The following KCNIP4 variants were observed in gnomAD, a reference collection of about 807,000 sequenced individuals.
The protein encoded by KCNIP4 is Kv channel-interacting protein 4.
Under a neutral mutation model 34.0 loss-of-function variants are expected in KCNIP4, and 12 were observed. The ratio of observed to expected loss-of-function variants is 0.35; its 90% CI spans 0.23 to 0.57. The LOEUF is 0.57. KCNIP4 is among the 20% of genes least tolerant of loss of function. The pLI is 0.83. For synonymous variants in KCNIP4, 124 were observed against 102.2 expected (o/e 1.21, Z -1.29); for missense variants, 238 against 311.7 (o/e 0.76, Z 1.78).
chr4:21,087,179 T>TGC (rs1746535396), intron 1 of KCNIP4, among the ~76,000 whole-genome samples: 1 of 149,524 alleles, frequency 6.7e-6, no homozygotes, highest in Non-Finnish European at 1.5e-5. Flanking sequence ...TGTGTGTGTG[T>TGC]GTGTGTGTGT....
At chr4:21,142,500 C>T (rs568960193) in intron 1 of KCNIP4, among the ~76,000 whole-genome samples, 1 of 152,248 alleles carries the variant, frequency 6.6e-6, no homozygotes, top group Admixed American at 6.5e-5. Context: ...TTTGGGGGCT[C>T]TGTAGTGAAG....
chr4:21,020,589 G>A (rs1331639234), intron 1 of KCNIP4, among the ~76,000 whole-genome samples: 2 of 152,176 alleles, frequency 1.3e-5, no homozygotes, highest in African/African-American at 2.4e-5. Context: ...GATGCTTGAC[G>A]ATATCGCCAT....
chr4:21,086,983 T>TCTCTC (rs1560708747), intron 1 of KCNIP4, among the ~76,000 whole-genome samples: 6 of 121,784 alleles, frequency 4.9e-5, no homozygotes, highest in African/African-American at 2.4e-4. Context: ...CTCTCTCTCT[T>TCTCTC]TCTTTCTTTT....
rs555774638 is a variant in KCNIP4, at chr4:21,819,110, A to AT, written c.61+129460dup. Among the ~76,000 whole-genome samples the AT allele has an allele frequency of 3.1e-3, 475 of 152,304 alleles. 3 individuals are homozygous for AT. The highest frequency in any genetic ancestry group is 0.011 in the African/African-American group (451 of 41,566). On this transcript the variant is annotated intron_variant, in intron 1 of 8. Coordinates refer to ENST00000382152, the MANE Select transcript of KCNIP4 (RefSeq NM_025221.6). ...GTTTCAAACAGAGTCTTTCCAGGAA[A>AT]TTTTTTTAAAAACAGCATATTTTCT... is the stretch of plus-strand genomic sequence containing the variant.
intron 1 of KCNIP4, among the ~76,000 whole-genome samples, chr4:21,891,549 G>A (rs897502463): frequency 9.2e-5 from 14 of 152,168 alleles, no homozygotes; most frequent in African/African-American, 3.1e-4. Flanking sequence ...TTTTACCAGT[G>A]TATTGTGTAG....
intron 1 of KCNIP4, among the ~76,000 whole-genome samples, chr4:21,747,671 T>C (rs1373754162): frequency 1.3e-5 from 2 of 152,146 alleles, no homozygotes; most frequent in African/African-American, 4.8e-5. Flanking sequence ...TTCATTAATT[T>C]GATGGATCTT....
intron 1 of KCNIP4, among the ~76,000 whole-genome samples, chr4:20,949,100 T>C (rs894169766): frequency 2.0e-5 from 3 of 152,192 alleles, no homozygotes; most frequent in Non-Finnish European, 2.9e-5. Context: ...GTGGCCTTTC[T>C]CCTGCTATTC....
At chr4:20,993,375 C>T (rs1449023221) in intron 1 of KCNIP4, among the ~76,000 whole-genome samples, 3 of 152,258 alleles carry the variant, frequency 2.0e-5, no homozygotes, top group South Asian at 4.1e-4. Flanking sequence ...TGACCTGTGT[C>T]CATATTACTG....
At chr4:21,570,764 CATT>C (rs1226040157) in intron 1 of KCNIP4, among the ~76,000 whole-genome samples, 2 of 152,092 alleles carry the variant, frequency 1.3e-5, no homozygotes, top group African/African-American at 4.8e-5. Flanking sequence ...TCATTGTCAT[CATT>C]ATCATAATTA....
At chr4:21,670,532 T>C (rs1195192405) in intron 1 of KCNIP4, among the ~76,000 whole-genome samples, 1 of 151,918 alleles carries the variant, frequency 6.6e-6, no homozygotes, top group Non-Finnish European at 1.5e-5. Context: ...GTAACTAACC[T>C]GCACAATGTG....
chr4:20,862,485 AG>A (rs1722307756), intron 2 of KCNIP4, among the ~76,000 whole-genome samples: 1 of 152,200 alleles, frequency 6.6e-6, no homozygotes, highest in East Asian at 1.9e-4. Context: ...TAGTCAGGAA[AG>A]GCAAAAGCTG....
intron 1 of KCNIP4, among the ~76,000 whole-genome samples, chr4:21,232,547 C>A (rs1233356295): frequency 6.6e-6 from 1 of 152,012 alleles, no homozygotes; most frequent in East Asian, 1.9e-4. Context: ...CAATTATGAA[C>A]AAAATATAAC....
intron 1 of KCNIP4, among the ~76,000 whole-genome samples, chr4:21,202,905 C>T (rs1756589579): frequency 6.6e-6 from 1 of 152,298 alleles, no homozygotes; most frequent in Non-Finnish European, 1.5e-5. Flanking sequence ...TATACAGAGG[C>T]TCTTGGCCCA....
intron 1 of KCNIP4, among the ~76,000 whole-genome samples, chr4:21,027,341 A>G (rs1484540431): frequency 6.6e-6 from 1 of 152,068 alleles, no homozygotes; most frequent in South Asian, 2.1e-4. Flanking sequence ...CGGCCCGTGA[A>G]GTCTTAAATA....
intron 1 of KCNIP4, among the ~76,000 whole-genome samples, chr4:21,373,252 G>A (rs1465034591): frequency 2.0e-5 from 3 of 146,798 alleles, no homozygotes; most frequent in Non-Finnish European, 4.4e-5. Flanking sequence ...GAGCCTGGGA[G>A]TTGAGGGTTG....
At chr4:21,594,540 CTT>C (rs1431231108) in intron 1 of KCNIP4, among the ~76,000 whole-genome samples, 4 of 151,904 alleles carry the variant, frequency 2.6e-5, no homozygotes, top group Non-Finnish European at 1.5e-5. Context: ...TATAGTAAGT[CTT>C]TGGTAAATAG....
chr4:21,632,279 T>A (rs1489703826), intron 1 of KCNIP4, among the ~76,000 whole-genome samples: 14 of 152,140 alleles, frequency 9.2e-5, no homozygotes, highest in Non-Finnish European at 8.8e-5. Flanking sequence ...AATGGTGTGA[T>A]CTCAGCTCAC....
rs1198165409 is a variant in KCNIP4 at position 20,929,535 on chromosome 4, T to C, written c.62-46826A>G. Among the ~76,000 whole-genome samples, 4 of 152,120 alleles carry C rather than the reference T, an allele frequency of 2.6e-5. No individual in the cohort carries two copies. In the East Asian group the frequency reaches 7.7e-4, roughly 29 times the overall value. On this transcript the variant is annotated intron_variant, in intron 1 of 8. Transcript: ENST00000382152. Reference sequence around the variant, plus strand: ...CACATAATATTGGAAGTACTAGCAATAGCAATCAGACCAGAGAAAGAAATA... The same window carrying C: ...CACATAATATTGGAAGTACTAGCAACAGCAATCAGACCAGAGAAAGAAATA...
intron 1 of KCNIP4, among the ~76,000 whole-genome samples, chr4:20,993,976 T>C (rs1239033276): frequency 1.3e-5 from 2 of 152,198 alleles, no homozygotes; most frequent in African/African-American, 2.4e-5. Context: ...GCAATGACCA[T>C]TTGAGTCTTT....
Sources: gnomAD v4.1 joint callset for allele counts (sites outside exome capture counted in the v4.1 genomes callset) on GRCh38, gnomAD v4.1.1 for gene constraint, MANE v1.5 for transcripts, NCBI Gene and HGNC (gene_info 2026-07-23, HGNC 2026-07-21) for gene names.